The following NPRL3 variants were observed in gnomAD, a reference collection of about 807,000 sequenced individuals.
NPRL3 encodes GATOR1 complex protein NPRL3.
NPRL3 carries 23 observed loss-of-function variants against 57.2 expected under a neutral mutation model. The observed-to-expected ratio is 0.40, with a 90% CI of 0.29 to 0.57. The LOEUF (loss-of-function observed/expected upper bound fraction) is 0.57, where lower values mean the gene tolerates loss of function less well. Ranked by LOEUF, NPRL3 falls within the 20% of genes least tolerant of loss-of-function variation. NPRL3 has a pLI of 0.42. For missense variants in NPRL3, 691 were observed against 767.1 expected, an observed-to-expected ratio of 0.90 and a Z score of 1.17; for synonymous variants, 333 against 321.1, an observed-to-expected ratio of 1.04 and a Z score of -0.39.
rs746765533 is a variant in NPRL3 at position 119,123 on chromosome 16, T to C, written c.318+3A>G. 1.9e-6 allele frequency: 3 copies of C among 1,613,126 alleles called. No homozygotes were observed. The highest frequency in any genetic ancestry group is 2.2e-5 in the East Asian group (1 of 44,842). On this transcript the variant is annotated splice_donor_region_variant and intron_variant, in intron 4 of 13. Coordinates refer to ENST00000611875, the MANE Select transcript of NPRL3 (RefSeq NM_001077350.3). ...AGCCCCACCTGCCCAGGGAGAGCCA[T>C]ACCTGCCCCAGAGCATGCTGTAGCA...
At position 85,935 on chromosome 16, in the gene NPRL3, C is replaced by A; in HGVS notation, c.*770G>T. 1.2e-6 allele frequency: 1 copy of A among 869,390 alleles called. No homozygotes were observed. Among genetic ancestry groups the A allele is most frequent in the Non-Finnish European group, 1.6e-6 (1 of 635,954 alleles). The allele number at this position is 869,390 out of a possible 1,614,324, so 53.9% of individuals were successfully genotyped here. On this transcript the variant is annotated 3_prime_UTR_variant, in exon 14 of 14. Transcript: ENST00000611875. ...GACACGAGAGCTGGGGGCCTGAGTA[C>A]GTAGCGCCAGGCCCGGTGTGGATGC...
At chr16:124,156 C>G (rs1200032660) in intron 3 of NPRL3, among the ~76,000 whole-genome samples, 1 of 151,756 alleles carries the variant, frequency 6.6e-6, no homozygotes, top group East Asian at 1.9e-4. Flanking sequence ...GAAACAGGGT[C>G]ACACGCTCCC....
intron 2 of NPRL3, among the ~76,000 whole-genome samples, chr16:137,241 C>G (rs990344147): frequency 6.6e-6 from 1 of 151,976 alleles, no homozygotes; most frequent in Non-Finnish European, 1.5e-5. Context: ...AAAATAAAAA[C>G]AAAAACTGAA....
chr16:135,328 C>G (rs1336473096), intron 2 of NPRL3, among the ~76,000 whole-genome samples: 1 of 152,160 alleles, frequency 6.6e-6, no homozygotes, highest in Non-Finnish European at 1.5e-5. Flanking sequence ...TAGCCTTCAC[C>G]TTATGCCAAG....
intron 8 of NPRL3, 57 bp from the exon 9 acceptor site, chr16:98,358 A>C: frequency 6.4e-7 from 1 of 1,569,756 alleles, no homozygotes; most frequent in Non-Finnish European, 8.7e-7. Flanking sequence ...TGCACCGGGT[A>C]TGCACCAGGT....
At position 134,182 on chromosome 16, in the gene NPRL3, A is replaced by C. The variant is rs189500422; in HGVS notation, c.119-3591T>G. 3.3e-4 allele frequency among the ~76,000 whole-genome samples: 50 copies of C among 152,222 alleles called. 1 individual carries two copies. The East Asian group carries it at 9.5e-3, about 29-fold the overall frequency. ...GGACACAGGTTTGCCATGAACTTTC[A>C]ATTTGTAGAAAACACAATAAAGTGA... On this transcript the variant is annotated intron_variant, in intron 2 of 13. Coordinates refer to ENST00000611875, the MANE Select transcript of NPRL3 (RefSeq NM_001077350.3).
chr16:89,382 C>T (rs866953166), intron 12 of NPRL3: 12 of 317,286 alleles, frequency 3.8e-5, no homozygotes, highest in African/African-American at 1.1e-4. Context: ...TCTTCTGGGG[C>T]GCAGAGGTGT....
At chr16:111,508 G>A (rs1333665488) in intron 6 of NPRL3, among the ~76,000 whole-genome samples, 2 of 151,590 alleles carry the variant, frequency 1.3e-5, no homozygotes, top group Non-Finnish European at 2.9e-5. Context: ...GAGTGCAGTG[G>A]TGCAATCTCA....
At chr16:99,382 A>G (rs1183390788) in intron 8 of NPRL3, among the ~76,000 whole-genome samples, 1 of 152,160 alleles carries the variant, frequency 6.6e-6, no homozygotes, top group Non-Finnish European at 1.5e-5. Context: ...ATGGTGGCTA[A>G]CACCTGTAAC....
At chr16:89,679 CCTGA>C (rs1222206521) in intron 12 of NPRL3, 30 bp downstream of exon 12, 13 of 1,496,728 alleles carry the variant, frequency 8.7e-6, no homozygotes, top group Non-Finnish European at 1.1e-5. Context: ...AAGCGTCTCC[CCTGA>C]CTACCACAGC....
chr16:111,418 C>G (rs1315523834), intron 6 of NPRL3, among the ~76,000 whole-genome samples: 1 of 151,812 alleles, frequency 6.6e-6, no homozygotes, highest in African/African-American at 2.4e-5. Context: ...ATATATTTGA[C>G]AATTACCTGT....
chr16:135,533 C>T (rs1260487080), intron 2 of NPRL3, among the ~76,000 whole-genome samples: 4 of 145,074 alleles, frequency 2.8e-5, no homozygotes, highest in African/African-American at 7.8e-5. Flanking sequence ...CGCTTGAACC[C>T]GGGAAGCAGA....
rs1044550551 is a variant in NPRL3, at chr16:86,179, A to C, written c.*526T>G. The C allele has an allele frequency of 3.1e-4, 59 of 191,606 alleles. No homozygotes were observed. Among genetic ancestry groups the C allele is most frequent in the African/African-American group, 1.2e-3 (50 of 43,056 alleles). The allele number at this position is 191,606 out of a possible 1,614,324, so 11.9% of individuals were successfully genotyped here. A position where few individuals can be genotyped will look rare whatever the true frequency, so the allele number is the denominator to read the frequency against. ...GACTGTGGTGAGGACTGGGCCAGGA[A>C]AGGCTCAGGGTAGCCTGGGAGGAAG... On this transcript the variant is annotated 3_prime_UTR_variant, in exon 14 of 14. Transcript: ENST00000611875.
chr16:124,471 G>C (rs2141970167), intron 3 of NPRL3, among the ~76,000 whole-genome samples: 1 of 152,140 alleles, frequency 6.6e-6, no homozygotes, highest in East Asian at 1.9e-4. Flanking sequence ...AAAGTACTGG[G>C]ATTACAGGCG....
At chr16:118,875 G>A (rs1900158418) in intron 4 of NPRL3, among the ~76,000 whole-genome samples, 1 of 151,786 alleles carries the variant, frequency 6.6e-6, no homozygotes, top group Admixed American at 6.6e-5. Context: ...ATCTGCCCAG[G>A]GGAAGCCACA....
At chr16:96,231 A>G (rs528927307) in intron 9 of NPRL3, among the ~76,000 whole-genome samples, 75 of 152,338 alleles carry the variant, frequency 4.9e-4, no homozygotes, top group African/African-American at 1.7e-3. Context: ...GCTTTGTCCA[A>G]GGAGACTCTG....
At chr16:87,107 C>T (rs930437841) in intron 13 of NPRL3, among the ~76,000 whole-genome samples, 8 of 152,336 alleles carry the variant, frequency 5.3e-5, no homozygotes, top group African/African-American at 1.2e-4. Flanking sequence ...GGACGGCAGA[C>T]GGCTGTTCAA....
At position 127,726 on chromosome 16, in the gene NPRL3, C is replaced by A. The variant is rs1007851942; in HGVS notation, c.188+2796G>T. 2.7e-5 allele frequency among the ~76,000 whole-genome samples: 4 copies of A among 150,468 alleles called. No individual in the cohort carries two copies. In the East Asian group the frequency reaches 7.8e-4, roughly 30 times the overall value. On this transcript the variant is annotated intron_variant, in intron 3 of 13. Transcript: ENST00000611875. The stretch of plus-strand genomic sequence containing the variant: ...CTGGAGTGCAGTGGCACAATCTTGG[C>A]TCACTGCAAGCTCCGCCTCCCGGGT...
At chr16:87,397 C>T (rs563953502) in intron 13 of NPRL3, among the ~76,000 whole-genome samples, 7 of 151,838 alleles carry the variant, frequency 4.6e-5, no homozygotes, top group Non-Finnish European at 8.8e-5. Context: ...CCACACCTGG[C>T]TAATTTCTCT....
Sources: allele counts gnomAD v4.1 joint callset (sites outside exome capture counted in the v4.1 genomes callset), GRCh38; gene constraint gnomAD v4.1.1; transcripts MANE v1.5; gene names NCBI Gene and HGNC (gene_info 2026-07-23, HGNC 2026-07-21).